Variants in CACNB2 observed in about 807,000 individuals in gnomAD.
CACNB2 encodes calcium voltage-gated channel auxiliary subunit beta 2.
CACNB2 carries 42 observed loss-of-function variants against 73.3 expected under a neutral mutation model. The ratio of observed to expected loss-of-function variants is 0.57; its 90% CI spans 0.45 to 0.74. The LOEUF (loss-of-function observed/expected upper bound fraction) is 0.74. CACNB2 is among the 30% of genes least tolerant of loss of function. The pLI, the probability that CACNB2 is intolerant of heterozygous loss-of-function variation, is 0.00. For synonymous variants in CACNB2, 348 were observed against 310.3 expected (o/e 1.12, Z -1.28); for missense variants, 940 against 853.0 (o/e 1.10, Z -1.27).
intron 2 of CACNB2, among the ~76,000 whole-genome samples, chr10:18,173,640 T>C (rs903711788): frequency 2.6e-5 from 4 of 152,192 alleles, no homozygotes; most frequent in African/African-American, 4.8e-5. Flanking sequence ...TTTTTTTTGC[T>C]CTTGGAATTA....
intron 3 of CACNB2, among the ~76,000 whole-genome samples, chr10:18,495,642 G>T (rs2049764120): frequency 6.7e-6 from 1 of 148,952 alleles, no homozygotes; most frequent in South Asian, 2.1e-4. Context: ...CAAACTCCTG[G>T]GCTCAAGTGA....
intron 2 of CACNB2, among the ~76,000 whole-genome samples, chr10:18,235,654 G>A (rs977514750): frequency 2.6e-5 from 4 of 152,188 alleles, no homozygotes; most frequent in Non-Finnish European, 5.9e-5. Context: ...CTCTCTGTCT[G>A]CCAACAGCCA....
At chr10:18,275,431 G>A (rs949903638) in intron 2 of CACNB2, among the ~76,000 whole-genome samples, 4 of 152,106 alleles carry the variant, frequency 2.6e-5, no homozygotes, top group African/African-American at 9.7e-5. Flanking sequence ...CAGCTTCTAG[G>A]AGCTGATGGA....
chr10:18,494,069 C>T (rs1589535584), intron 3 of CACNB2, among the ~76,000 whole-genome samples: 2 of 152,148 alleles, frequency 1.3e-5, no homozygotes, highest in African/African-American at 4.8e-5. Context: ...AAAGGAGGCA[C>T]GTTCCAACTT....
chr10:18,230,846 T>G (rs1374500849), intron 2 of CACNB2, among the ~76,000 whole-genome samples: 2 of 150,170 alleles, frequency 1.3e-5, no homozygotes, highest in Non-Finnish European at 3.0e-5. Flanking sequence ...TTTGTAGCTT[T>G]TTTTTTTTTG....
intron 2 of CACNB2, among the ~76,000 whole-genome samples, chr10:18,155,689 C>T (rs1439483217): frequency 6.6e-6 from 1 of 152,128 alleles, no homozygotes; most frequent in Non-Finnish European, 1.5e-5. Context: ...GTGATGGTTT[C>T]AGTTGTCTTA....
chr10:18,199,137 G>T (rs561090940), intron 2 of CACNB2, among the ~76,000 whole-genome samples: 2 of 152,174 alleles, frequency 1.3e-5, no homozygotes, highest in East Asian at 3.8e-4. Flanking sequence ...CATTGAAACT[G>T]TGAAGGTACC....
intron 2 of CACNB2, among the ~76,000 whole-genome samples, chr10:18,319,246 A>G (rs1188151057): frequency 6.6e-6 from 1 of 152,212 alleles, no homozygotes; most frequent in Non-Finnish European, 1.5e-5. Context: ...GTATATATAC[A>G]CTGTGGAATA....
At chr10:18,531,487 C>G (rs2053026307) in intron 10 of CACNB2, among the ~76,000 whole-genome samples, 1 of 152,106 alleles carries the variant, frequency 6.6e-6, no homozygotes, top group South Asian at 2.1e-4. Flanking sequence ...ATGCGTGTAT[C>G]TTTATAATAG....
chr10:18,143,994 G>A (rs772176235), intron 1 of CACNB2, among the ~76,000 whole-genome samples: 1 of 152,032 alleles, frequency 6.6e-6, no homozygotes, highest in Admixed American at 6.6e-5. Context: ...GATACATTCC[G>A]GTCCCTTTGC....
intron 2 of CACNB2, among the ~76,000 whole-genome samples, chr10:18,280,021 G>A (rs2131692661): frequency 6.6e-6 from 1 of 152,340 alleles, no homozygotes; most frequent in South Asian, 2.1e-4. Flanking sequence ...GGAGGTTGCT[G>A]TGAGCCGAGA....
intron 3 of CACNB2, among the ~76,000 whole-genome samples, chr10:18,482,515 G>T (rs1357813522): frequency 1.3e-5 from 2 of 151,902 alleles, no homozygotes; most frequent in Non-Finnish European, 2.9e-5. Context: ...TTTTTTGTTT[G>T]TTTTGTTTGT....
chr10:18,468,041 C>G (rs2047991663), intron 3 of CACNB2, among the ~76,000 whole-genome samples: 1 of 152,014 alleles, frequency 6.6e-6, no homozygotes, highest in Non-Finnish European at 1.5e-5. Context: ...GATGGCATTC[C>G]TACATCTTAA....
chr10:18,268,329 G>A (rs755058982), intron 2 of CACNB2, among the ~76,000 whole-genome samples: 1 of 152,162 alleles, frequency 6.6e-6, no homozygotes, highest in Non-Finnish European at 1.5e-5. Context: ...TCTAGCAGTG[G>A]AAATATATGA....
chr10:18,151,065 T>A, intron 2 of CACNB2, 90 bp downstream of exon 2: 1 of 840,118 alleles, frequency 1.2e-6, no homozygotes, highest in Non-Finnish European at 2.1e-6. Flanking sequence ...TTAAGATTTA[T>A]GTAGTATGAT....
intron 4 of CACNB2, 57 bp from the exon 5 acceptor site, chr10:18,500,755 G>A: frequency 6.4e-7 from 1 of 1,553,308 alleles, no homozygotes; most frequent in Non-Finnish European, 8.9e-7. Context: ...TAGTGTGGAA[G>A]AACAAGGATT....
intron 2 of CACNB2, among the ~76,000 whole-genome samples, chr10:18,365,791 ACCATT>A (rs2132252017): frequency 7.2e-6 from 1 of 138,896 alleles, no homozygotes; most frequent in East Asian, 3.4e-4. Context: ...TATAGTATTA[ACCATT>A]CATTGATTTC....
At chr10:18,381,548 C>T (rs1333481241) in intron 2 of CACNB2, among the ~76,000 whole-genome samples, 3 of 151,782 alleles carry the variant, frequency 2.0e-5, no homozygotes, top group Non-Finnish European at 4.4e-5. Context: ...ATTAGCTGGG[C>T]GTGATGGCGT....
intron 2 of CACNB2, among the ~76,000 whole-genome samples, chr10:18,220,109 TAA>T (rs1491328686): frequency 1.5e-3 from 48 of 32,130 alleles, no homozygotes; most frequent in South Asian, 1.0e-2. Context: ...TTTTATTTTT[TAA>T]TATATATATA....
Sources: allele counts gnomAD v4.1 joint callset (sites outside exome capture counted in the v4.1 genomes callset), GRCh38; gene constraint gnomAD v4.1.1; transcripts MANE v1.5; gene names NCBI Gene and HGNC (gene_info 2026-07-23, HGNC 2026-07-21).